Variants in CA2 observed in about 807,000 individuals in gnomAD.
CA2 encodes the protein carbonate dehydratase II.
CA2 carries 23 observed loss-of-function variants against 27.8 expected under a neutral mutation model. That is an observed-to-expected ratio of 0.83 (90% CI 0.59 to 1.17). The LOEUF is 1.17. CA2 is among the 50% of genes most tolerant of loss of function. The probability of loss-of-function intolerance (pLI) is 0.00; values close to 1 mark genes in which losing one functional copy is unlikely to be tolerated. For synonymous variants in CA2, 99 were observed against 114.9 expected, an observed-to-expected ratio of 0.86 and a Z score of 0.88; for missense variants, 300 against 314.7, an observed-to-expected ratio of 0.95 and a Z score of 0.35.
At chr8:85,479,082 AG>A (rs1405665561) in intron 6 of CA2, among the ~76,000 whole-genome samples, 1 of 151,732 alleles carries the variant, frequency 6.6e-6, no homozygotes, top group Non-Finnish European at 1.5e-5. Flanking sequence ...TTACAGGGAG[AG>A]GGCGGATGTC....
At chr8:85,473,010 T>TAATA (rs35554360) in intron 2 of CA2, among the ~76,000 whole-genome samples, 4,012 of 141,428 alleles carry the variant, frequency 0.028, 206 homozygotes, top group African/African-American at 0.094. Flanking sequence ...ATAATAATAA[T>TAATA]AATAAATAAA....
rs774935899 is a variant in CA2, at chr8:85,465,521, G to A, written c.232+52G>A. ...CTTTTAGCCAGTAGCTGTTTTCCGAGCTTAATGGAAGGAGCCAGGAACAGT... is the reference window on the plus strand; with the variant it reads ...CTTTTAGCCAGTAGCTGTTTTCCGAACTTAATGGAAGGAGCCAGGAACAGT... On this transcript the variant is annotated intron_variant, in intron 2 of 6. Transcript: ENST00000285379. 2.7e-6 allele frequency: 4 copies of A among 1,460,688 alleles called. No individual in the cohort carries two copies. In the African/African-American group the frequency reaches 4.2e-5, roughly 15 times the overall value. The allele number at this position is 1,460,688 out of a possible 1,614,324, so 90.5% of individuals were successfully genotyped here.
In CA2 at chr8:85,467,826, C is replaced by T. The variant is rs185787823; in HGVS notation, c.232+2357C>T. On this transcript the variant is annotated intron_variant, in intron 2 of 6. Coordinates refer to ENST00000285379, the MANE Select transcript of CA2 (RefSeq NM_000067.3). Reference sequence around the variant, plus strand: ...TGCATACATTTTTAAAGAAGTTGGCCATGTTTAGATTGTGAAACAGATGAA... The same window carrying T: ...TGCATACATTTTTAAAGAAGTTGGCTATGTTTAGATTGTGAAACAGATGAA... 5.1e-4 allele frequency among the ~76,000 whole-genome samples: 77 copies of T among 152,224 alleles called. 2 individuals carry two copies. Among genetic ancestry groups the T allele is most frequent in the Admixed American group, 4.5e-3 (69 of 15,280 alleles).
In CA2 at chr8:85,465,287, A is replaced by G. The variant is rs764493785; in HGVS notation, c.50A>G (p.His17Arg). 1 of 1,614,094 alleles carries G rather than the reference A, an allele frequency of 6.2e-7. No individual in the cohort carries two copies. ...TTTCCCCCAGGACCTGAGCACTGGC[A>G]TAAGGACTTCCCCATTGCCAAGGGA... ...YGKHNGPEHW[H>R]KDFPIAKGER... The change falls in exon 2 of 7, where the codon CAT (histidine) becomes CGT (arginine). Residue 17 changes from histidine (H) to arginine (R), a missense_variant. Coordinates refer to ENST00000285379, the MANE Select transcript of CA2 (RefSeq NM_000067.3).
Position 85,464,132 on chromosome 8 carries a change from G to A in CA2, c.34+17G>A, listed in dbSNP as rs913672828. On this transcript the variant is annotated intron_variant, in intron 1 of 6. Transcript: ENST00000285379. The stretch of plus-strand genomic sequence containing the variant: ...AACACAACGGTGAGTGCCGGCGACG[G>A]CCAGCGCGGGGGCGCCCCGATCCCC... 2.6e-6 allele frequency: 4 copies of A among 1,535,492 alleles called. No individual in the cohort carries two copies. The highest frequency in any genetic ancestry group is 3.5e-6 in the Non-Finnish European group (4 of 1,142,746).
chr8:85,472,062 G>A (rs775387981), intron 2 of CA2, among the ~76,000 whole-genome samples: 2 of 152,158 alleles, frequency 1.3e-5, no homozygotes, highest in Non-Finnish European at 2.9e-5. Context: ...AGGAACCACA[G>A]AAAGACCCCA....
At position 85,480,796 on chromosome 8, in the gene CA2, C is replaced by G; in HGVS notation, c.*7C>G. The G allele has an allele frequency of 6.2e-7, 1 of 1,613,450 alleles. No homozygotes were observed. The highest frequency in any genetic ancestry group is 8.5e-7 in the Non-Finnish European group (1 of 1,179,612). ...CAAAGCTTCCTTCAAATAAGATGGT[C>G]CCATAGTCTGTATCCAAATAATGAA... On this transcript the variant is annotated 3_prime_UTR_variant, in exon 7 of 7. Transcript: ENST00000285379.
At position 85,476,027 on chromosome 8, in the gene CA2, A is replaced by C. The variant is rs370979670; in HGVS notation, c.507+167A>C. Reference sequence around the variant, plus strand: ...TAAATATTTAATTAACGTTTCTTTCAACAAAGTTGATCCTAATGCTAGCAT... The same window carrying C: ...TAAATATTTAATTAACGTTTCTTTCCACAAAGTTGATCCTAATGCTAGCAT... On this transcript the variant is annotated intron_variant, in intron 5 of 6. Coordinates refer to ENST00000285379, the MANE Select transcript of CA2 (RefSeq NM_000067.3). Among the ~76,000 whole-genome samples the C allele has an allele frequency of 1.8e-4, 27 of 152,338 alleles. No homozygotes were observed. In the South Asian group the frequency reaches 3.5e-3, roughly 20 times the overall value.
chr8:85,473,388 GA>G, intron 2 of CA2: 2 of 496,000 alleles, frequency 4.0e-6, no homozygotes, highest in Non-Finnish European at 7.9e-6. Context: ...AACAAACCCA[GA>G]AAAAGGAATC....
chr8:85,465,527 T>TTAA, intron 2 of CA2, 58 bp downstream of exon 2: 1 of 1,392,278 alleles, frequency 7.2e-7, no homozygotes, highest in Non-Finnish European at 1.0e-6. Context: ...CCGAGCTTAA[T>TTAA]GGAAGGAGCC....
At chr8:85,476,225 A>G (rs1811796863) in intron 5 of CA2, among the ~76,000 whole-genome samples, 1 of 152,232 alleles carries the variant, frequency 6.6e-6, no homozygotes, top group African/African-American at 2.4e-5. Context: ...GTCGCTTTGC[A>G]AACTAGTAGA....
intron 1 of CA2, 95 bp downstream of exon 1, chr8:85,464,210 C>T (rs1811582050): frequency 1.7e-6 from 2 of 1,182,390 alleles, no homozygotes; most frequent in East Asian, 2.9e-5. Flanking sequence ...GCCCGCAGCG[C>T]CCGCACATGC....
intron 2 of CA2, among the ~76,000 whole-genome samples, chr8:85,470,783 G>T (rs1251651263): frequency 6.6e-6 from 1 of 151,682 alleles, no homozygotes; most frequent in East Asian, 1.9e-4. Context: ...GGAGCTCTTG[G>T]TGTTGAGATT....
chr8:85,465,433 T>C lies in CA2; in HGVS notation c.196T>C (p.Phe66Leu). Residue 66 changes from phenylalanine (F) to leucine (L), a missense_variant, in exon 2 of 7, where the codon TTC (phenylalanine) becomes CTC (leucine). This residue lies in a region of CA2 where 122 missense variants were observed against 133.2 expected (regional missense o/e 0.92). Transcript: ENST00000285379. ...SLRILNNGHA[F>L]NVEFDDSQDK... ...GAGGATCCTCAACAATGGTCATGCTTTCAACGTGGAGTTTGATGACTCTCA... is the reference window on the plus strand; with the variant it reads ...GAGGATCCTCAACAATGGTCATGCTCTCAACGTGGAGTTTGATGACTCTCA... The C allele has an allele frequency of 1.2e-6, 2 of 1,614,192 alleles. No homozygotes were observed. The highest frequency in any genetic ancestry group is 1.7e-6 in the Non-Finnish European group (2 of 1,180,034).
chr8:85,471,574 G>A (rs553918522), intron 2 of CA2, among the ~76,000 whole-genome samples: 1 of 152,058 alleles, frequency 6.6e-6, no homozygotes, highest in South Asian at 2.1e-4. Flanking sequence ...ATTCTTCACT[G>A]GGGGGAAAGA....
chr8:85,473,253 G>A (rs536134444), intron 2 of CA2: 61 of 347,694 alleles, frequency 1.8e-4, no homozygotes, highest in African/African-American at 1.3e-3. Context: ...AGGGTCTCAC[G>A]TTTGCAAGTG....
chr8:85,468,850 T>TA (rs1335378201), intron 2 of CA2, among the ~76,000 whole-genome samples: 1 of 148,324 alleles, frequency 6.7e-6, no homozygotes, highest in South Asian at 2.1e-4. Flanking sequence ...TTTTTTTTTT[T>TA]AAATAAAACA....
chr8:85,477,137 C>T lies in CA2; in HGVS notation c.525C>T (p.Phe175=). 6.2e-7 allele frequency: 1 copy of T among 1,614,114 alleles called. No homozygotes were observed. The highest frequency in any genetic ancestry group is 1.6e-4 in the Middle Eastern group (1 of 6,062). Residue 175 remains phenylalanine (F), a synonymous_variant, in exon 6 of 7, where the codon TTC becomes TTT. Transcript: ENST00000285379. ...TGTTCTAGGGCAAGAGTGCTGACTTCACTAACTTCGATCCTCGTGGCCTCC... is the reference window on the plus strand; with the variant it reads ...TGTTCTAGGGCAAGAGTGCTGACTTTACTAACTTCGATCCTCGTGGCCTCC... The part of the protein sequence containing the change: ...SIKTKGKSAD[F]TNFDPRGLLP...
intron 2 of CA2, among the ~76,000 whole-genome samples, chr8:85,467,714 A>G (rs936650742): frequency 8.5e-5 from 13 of 152,232 alleles, no homozygotes; most frequent in Admixed American, 1.3e-4. Context: ...TTTACCATGA[A>G]TCTGTTAAAC....
Sources: allele counts gnomAD v4.1 joint callset (sites outside exome capture counted in the v4.1 genomes callset), GRCh38; gene constraint gnomAD v4.1.1; regional missense constraint gnomAD v4.1.1; transcripts MANE v1.5; gene names NCBI Gene and HGNC (gene_info 2026-07-23, HGNC 2026-07-21).